PID1: variants seen among roughly 807,000 people sequenced by gnomAD.
The protein encoded by PID1 is phosphotyrosine interaction domain containing 1, also known as PTB-containing, cubilin and LRP1-interacting protein.
A neutral mutation model predicts 19.1 loss-of-function variants in PID1; 10 were observed. That is an observed-to-expected ratio of 0.52 (90% CI 0.32 to 0.89). PID1 has a LOEUF of 0.89. Ranked by LOEUF, PID1 falls within the 40% of genes least tolerant of loss-of-function variation. The pLI is 0.03. For synonymous variants in PID1, 130 were observed against 116.0 expected (o/e 1.12, Z -0.78); for missense variants, 248 against 285.3 (o/e 0.87, Z 0.94).
At chr2:229,221,297 C>A (rs1405299950) in intron 1 of PID1, among the ~76,000 whole-genome samples, 3 of 152,152 alleles carry the variant, frequency 2.0e-5, no homozygotes, top group Non-Finnish European at 4.4e-5. Context: ...AGCCATGTAT[C>A]TACTGCATCA....
At chr2:229,231,966 T>G in intron 1 of PID1, 1 of 1,550,438 alleles carries the variant, frequency 6.4e-7, no homozygotes, top group Non-Finnish European at 8.7e-7. Context: ...GGTGCGGGCT[T>G]GTTTGATTGT....
chr2:229,180,313 T>C (rs997699856), intron 1 of PID1, among the ~76,000 whole-genome samples: 1 of 152,170 alleles, frequency 6.6e-6, no homozygotes, highest in East Asian at 1.9e-4. Flanking sequence ...TAGTAATCCA[T>C]CTAAAGTGCA....
At chr2:229,105,660 G>A (rs766277969) in intron 2 of PID1, among the ~76,000 whole-genome samples, 13 of 152,158 alleles carry the variant, frequency 8.5e-5, no homozygotes, top group Non-Finnish European at 1.9e-4. Flanking sequence ...TGAGCTAAGG[G>A]CTCTATGTGC....
At chr2:229,066,714 C>G (rs144957652) in intron 2 of PID1, among the ~76,000 whole-genome samples, 1 of 151,708 alleles carries the variant, frequency 6.6e-6, no homozygotes, top group Non-Finnish European at 1.5e-5. Context: ...ACATAGCATA[C>G]GCGTGCTGAA....
In PID1 at chr2:229,079,210, A is replaced by G. The variant is rs1187189599; in HGVS notation, c.178-53102T>C. Among the ~76,000 whole-genome samples, 6 of 152,202 alleles carry G rather than the reference A, an allele frequency of 3.9e-5. No homozygotes were observed. The East Asian group carries it at 1.2e-3, about 29-fold the overall frequency. On this transcript the variant is annotated intron_variant, in intron 2 of 2. Coordinates refer to ENST00000392055, the MANE Select transcript of PID1 (RefSeq NM_001100818.2). ...ATCGGTCTAAGTCGGGGCTGAGAAGACTGGCCAGGAAATTGTATTTTAACT... is the reference window on the plus strand; with the variant it reads ...ATCGGTCTAAGTCGGGGCTGAGAAGGCTGGCCAGGAAATTGTATTTTAACT...
intron 2 of PID1, among the ~76,000 whole-genome samples, chr2:229,152,000 G>C (rs6725924): frequency 0.26 from 39,507 of 152,080 alleles, 6,201 homozygotes; most frequent in East Asian, 0.69. Context: ...GGCACACACA[G>C]TGCTCACATC....
chr2:229,082,133 G>A (rs189083388), intron 2 of PID1, among the ~76,000 whole-genome samples: 173 of 152,320 alleles, frequency 1.1e-3, no homozygotes, highest in African/African-American at 3.8e-3. Context: ...ATGTCACCAT[G>A]ATACTCAGAG....
At chr2:229,251,867 G>A (rs937866223) in intron 1 of PID1, among the ~76,000 whole-genome samples, 3 of 144,536 alleles carry the variant, frequency 2.1e-5, no homozygotes, top group African/African-American at 5.2e-5. Flanking sequence ...AAGTCCATTC[G>A]TTCTCTTCAT....
At chr2:229,040,543 T>C (rs1024460345) in intron 2 of PID1, among the ~76,000 whole-genome samples, 5 of 152,196 alleles carry the variant, frequency 3.3e-5, no homozygotes, top group Non-Finnish European at 4.4e-5. Flanking sequence ...TAACTATACC[T>C]TTTTGTATAG....
At chr2:229,139,898 G>A (rs1293600920) in intron 2 of PID1, among the ~76,000 whole-genome samples, 3 of 152,106 alleles carry the variant, frequency 2.0e-5, no homozygotes, top group Non-Finnish European at 1.5e-5. Flanking sequence ...TGGTCTGATA[G>A]GTCTAGTTTT....
chr2:229,235,610 G>A (rs142694645), intron 1 of PID1, among the ~76,000 whole-genome samples: 1 of 152,160 alleles, frequency 6.6e-6, no homozygotes, highest in East Asian at 1.9e-4. Flanking sequence ...TCACTGGAAC[G>A]CTGGCACCAA....
intron 1 of PID1, among the ~76,000 whole-genome samples, chr2:229,209,726 C>T (rs572647994): frequency 7.2e-5 from 11 of 152,306 alleles, no homozygotes; most frequent in African/African-American, 2.6e-4. Flanking sequence ...CCTTGAGATG[C>T]CCTTACTTCA....
At chr2:229,141,641 GT>G (rs1181301474) in intron 2 of PID1, among the ~76,000 whole-genome samples, 1 of 127,244 alleles carries the variant, frequency 7.9e-6, no homozygotes, top group Non-Finnish European at 1.8e-5. Context: ...ATCAATCAAT[GT>G]GGGGGGGGAA....
At chr2:229,059,009 A>G (rs529338221) in intron 2 of PID1, among the ~76,000 whole-genome samples, 1 of 152,326 alleles carries the variant, frequency 6.6e-6, no homozygotes, top group African/African-American at 2.4e-5. Flanking sequence ...AAATTTTGTA[A>G]ATATAAATTT....
chr2:229,184,048 ATATATCCCATATATATATCCCATATG>A (rs1691022563), intron 1 of PID1, among the ~76,000 whole-genome samples: 1 of 26,544 alleles, frequency 3.8e-5, no homozygotes. Flanking sequence ...TATCCCATAT[ATATATCCCATATATATATCCCATATG>A]TATATCCCAT....
intron 1 of PID1, among the ~76,000 whole-genome samples, chr2:229,173,030 A>G (rs1211000713): frequency 1.3e-5 from 2 of 152,108 alleles, no homozygotes; most frequent in African/African-American, 4.8e-5. Context: ...ACTGGCCTCA[A>G]TGCACTTTTT....
At chr2:229,228,269 T>A (rs1692126248) in intron 1 of PID1, among the ~76,000 whole-genome samples, 1 of 147,010 alleles carries the variant, frequency 6.8e-6, no homozygotes, top group African/African-American at 2.4e-5. Context: ...TTAGGAGCAG[T>A]CATTTTCTGT....
At chr2:229,137,389 T>C (rs1559250224) in intron 2 of PID1, among the ~76,000 whole-genome samples, 1 of 152,238 alleles carries the variant, frequency 6.6e-6, no homozygotes, top group Non-Finnish European at 1.5e-5. Flanking sequence ...TATCCTTTTA[T>C]CACTCTTTAC....
chr2:229,257,721 G>A (rs954368710), intron 1 of PID1, among the ~76,000 whole-genome samples: 3 of 152,146 alleles, frequency 2.0e-5, no homozygotes, highest in Non-Finnish European at 4.4e-5. Context: ...TCCTCCTTGA[G>A]GGGCAAAATG....
Sources: allele counts gnomAD v4.1 joint callset (sites outside exome capture counted in the v4.1 genomes callset), GRCh38; gene constraint gnomAD v4.1.1; transcripts MANE v1.5; gene names NCBI Gene and HGNC (gene_info 2026-07-23, HGNC 2026-07-21).